The following TMEM39B variants were observed in gnomAD, a reference collection of about 807,000 sequenced individuals.
The protein encoded by TMEM39B is transmembrane protein 39B.
In TMEM39B, 23 loss-of-function variants were observed where a neutral mutation model predicts 52.2. That is an observed-to-expected ratio of 0.44 (90% confidence interval 0.32 to 0.62). The LOEUF is 0.62. Among genes scored for constraint, TMEM39B ranks in the 20% least tolerant of loss-of-function variants. The probability of loss-of-function intolerance (pLI) is 0.06; values close to 1 mark genes in which losing one functional copy is unlikely to be tolerated. For missense variants in TMEM39B, 547 were observed against 642.0 expected (o/e 0.85, Z 1.60); for synonymous variants, 285 against 264.0 (o/e 1.08, Z -0.77).
At position 32,083,217 on chromosome 1, in the gene TMEM39B, G is replaced by A. The variant is rs1478795443; in HGVS notation, c.590+5899G>A. Among the ~76,000 whole-genome samples the A allele has an allele frequency of 2.0e-5, 3 of 150,300 alleles. No homozygotes were observed. The Admixed American group carries it at 2.0e-4, about 10-fold the overall frequency. The stretch of plus-strand genomic sequence containing the variant: ...CTCCTCCCTCAGCTCCCGAGTAGCT[G>A]GGATTACAGGCATGCGCCACCATGC... On this transcript the variant is annotated intron_variant, in intron 5 of 8. Coordinates refer to ENST00000336294, the MANE Select transcript of TMEM39B (RefSeq NM_018056.4).
chr1:32,072,060 C>G (rs1327759063), upstream of TMEM39B: 1 of 152,118 alleles, frequency 6.6e-6, no homozygotes, highest in East Asian at 1.9e-4. Flanking sequence ...CAGAATTTAC[C>G]AATTTTGTTC....
In TMEM39B at chr1:32,095,085, T is replaced by G. The variant is rs1640765377; in HGVS notation, c.1115+114T>G. On this transcript the variant is annotated intron_variant, in intron 7 of 8. Transcript: ENST00000336294. ...TTAGCAAATAGTTATTGAGCGTGTC[T>G]TGTATATTATTAGGCCAGGTGTCCA... The G allele has an allele frequency of 4.0e-6, 5 of 1,259,932 alleles. No individual in the cohort carries two copies. The African/African-American group carries it at 7.4e-5, about 19-fold the overall frequency. 78.0% of individuals were successfully genotyped at this position (1,259,932 alleles called of 1,614,324 possible).
At chr1:32,087,384 G>A (rs1009077071) in intron 5 of TMEM39B, 3 of 150,536 alleles carry the variant, frequency 2.0e-5, no homozygotes, top group African/African-American at 7.3e-5. Flanking sequence ...AGCACTTTGG[G>A]AGGCCAAAGC....
intron 4 of TMEM39B, 114 bp from the exon 5 acceptor site, chr1:32,077,050 C>T: frequency 6.8e-7 from 1 of 1,464,114 alleles, no homozygotes; most frequent in Non-Finnish European, 9.4e-7. Flanking sequence ...TCTGCCCAGC[C>T]TGCTGTGCCA....
At chr1:32,073,255 G>A (rs952328688) in intron 1 of TMEM39B, 2 of 640,584 alleles carry the variant, frequency 3.1e-6, no homozygotes, top group Non-Finnish European at 4.7e-6. Flanking sequence ...CGGTGGGCGG[G>A]GCTTCTAAGA....
chr1:32,094,393 G>A (rs1394268020), intron 6 of TMEM39B, among the ~76,000 whole-genome samples: 1 of 152,080 alleles, frequency 6.6e-6, no homozygotes, highest in African/African-American at 2.4e-5. Flanking sequence ...CCAAAGTGCC[G>A]GGATTACAGG....
chr1:32,075,587 C>A lies in TMEM39B; in HGVS notation c.132-16C>A. 1 of 1,541,490 alleles carries A rather than the reference C, an allele frequency of 6.5e-7. No individual in the cohort carries two copies. The highest frequency in any genetic ancestry group is 1.2e-5 in the South Asian group (1 of 83,784). ...TCTCAGGTCAGCTGCTGATGTTGTT[C>A]CCTCCCCACTGTCAGGAGCAGTTCT... On this transcript the variant is annotated splice_polypyrimidine_tract_variant and intron_variant, in intron 2 of 8. Transcript: ENST00000336294.
intron 7 of TMEM39B, among the ~76,000 whole-genome samples, chr1:32,096,073 C>A (rs537980316): frequency 1.3e-5 from 2 of 152,132 alleles, no homozygotes; most frequent in Non-Finnish European, 2.9e-5. Flanking sequence ...TTTACCATGC[C>A]CCAACCCATC....
At chr1:32,074,871 G>A in intron 1 of TMEM39B, 80 bp from the exon 2 acceptor site, 1 of 1,457,612 alleles carries the variant, frequency 6.9e-7, no homozygotes, top group Non-Finnish European at 9.2e-7. Flanking sequence ...GATACTAGGT[G>A]ACTGGCAGCT....
chr1:32,095,216 T>C (rs991794391), intron 7 of TMEM39B, among the ~76,000 whole-genome samples: 1 of 152,184 alleles, frequency 6.6e-6, no homozygotes, highest in Non-Finnish European at 1.5e-5. Context: ...CTTGTTGACT[T>C]TCTCTTTGCT....
rs1483003295 is a variant in TMEM39B at position 32,076,923 on chromosome 1, G to T, written c.435+77G>T. On this transcript the variant is annotated intron_variant, in intron 4 of 8. Coordinates refer to ENST00000336294, the MANE Select transcript of TMEM39B (RefSeq NM_018056.4). ...TGGGGATGCCAAGGAAACATGCCCA[G>T]CCCTTCAGCCTTAGGGTATTTCCTT... The T allele has an allele frequency of 2.6e-6, 4 of 1,513,514 alleles. No homozygotes were observed. In the African/African-American group the frequency reaches 5.5e-5, roughly 21 times the overall value. 93.8% of individuals were successfully genotyped at this position (1,513,514 alleles called of 1,614,324 possible).
chr1:32,092,679 C>T (rs59067502), intron 6 of TMEM39B, among the ~76,000 whole-genome samples: 47 of 151,902 alleles, frequency 3.1e-4, no homozygotes, highest in East Asian at 1.9e-3. Context: ...TTAGTAGAGA[C>T]GGGGTTTCAT....
rs1162225786 is a variant in TMEM39B, at chr1:32,073,032, G to C, written c.-16G>C. On this transcript the variant is annotated 5_prime_UTR_variant, in exon 1 of 9. Transcript: ENST00000336294. The stretch of plus-strand genomic sequence containing the variant: ...AGGAGCTGCGGCGGCGAAGCGGAGA[G>C]CACCGGGGGGAGGAGATGGGTGAGC... The C allele has an allele frequency of 3.3e-6, 5 of 1,526,952 alleles. No homozygotes were observed. Among genetic ancestry groups the C allele is most frequent in the Admixed American group, 2.1e-5 (1 of 47,948 alleles). The allele number at this position is 1,526,952 out of a possible 1,614,324, so 94.6% of individuals were successfully genotyped here.
rs568340062 is a variant in TMEM39B, at chr1:32,094,778, C to A, written c.928-6C>A. On this transcript the variant is annotated splice_polypyrimidine_tract_variant and splice_region_variant and intron_variant, in intron 6 of 8. Coordinates refer to ENST00000336294, the MANE Select transcript of TMEM39B (RefSeq NM_018056.4). ...CCAGGCCTCACCCACCTTCTGCTAC[C>A]CCCAGAACACACATTACTATGACAA... The A allele has an allele frequency of 1.4e-4, 227 of 1,614,098 alleles. 3 individuals are homozygous for A. The South Asian group carries it at 2.4e-3, about 17-fold the overall frequency.
chr1:32,076,727 G>A, intron 3 of TMEM39B, 36 bp from the exon 4 acceptor site: 2 of 1,604,838 alleles, frequency 1.2e-6, no homozygotes, highest in Non-Finnish European at 1.7e-6. Flanking sequence ...ATGGGCAAGG[G>A]GCCCACATGA....
At chr1:32,084,003 AC>A (rs1489796347) in intron 5 of TMEM39B, among the ~76,000 whole-genome samples, 1 of 152,170 alleles carries the variant, frequency 6.6e-6, no homozygotes, top group African/African-American at 2.4e-5. Flanking sequence ...AGACACACAC[AC>A]ACACACACAA....
At position 32,072,976 on chromosome 1, in the gene TMEM39B, C is replaced by T; in HGVS notation, c.-72C>T. On this transcript the variant is annotated 5_prime_UTR_variant, in exon 1 of 9. Coordinates refer to ENST00000336294, the MANE Select transcript of TMEM39B (RefSeq NM_018056.4). ...TGGGCTGCGGCGGTTAGTCCTCTCC[C>T]GGCCGCCGTCGCCTCCGACATATTG... 1 of 1,526,708 alleles carries T rather than the reference C, an allele frequency of 6.6e-7. No individual in the cohort carries two copies. The highest frequency in any genetic ancestry group is 8.8e-7 in the Non-Finnish European group (1 of 1,135,650). 94.6% of individuals were successfully genotyped at this position (1,526,708 alleles called of 1,614,324 possible).
intron 2 of TMEM39B, 99 bp downstream of exon 2, chr1:32,075,176 C>T: frequency 6.9e-7 from 1 of 1,446,052 alleles, no homozygotes. Flanking sequence ...ATCCTAGATG[C>T]CAGTGGGGGC....
intron 3 of TMEM39B, chr1:32,076,447 C>T (rs1639864312): frequency 4.6e-6 from 2 of 438,706 alleles, no homozygotes; most frequent in South Asian, 3.8e-5. Flanking sequence ...TGGAGATGAA[C>T]CACAGGGATA....
Sources: allele counts gnomAD v4.1 joint callset (sites outside exome capture counted in the v4.1 genomes callset), GRCh38; gene constraint gnomAD v4.1.1; transcripts MANE v1.5; gene names NCBI Gene and HGNC (gene_info 2026-07-23, HGNC 2026-07-21).